Variants in RBFOX1 observed in about 807,000 individuals in gnomAD.
RBFOX1 encodes RNA binding protein fox-1 homolog 1.
A neutral mutation model predicts 57.7 loss-of-function variants in RBFOX1; 8 were observed. The ratio of observed to expected loss-of-function variants is 0.14; its 90% CI spans 0.08 to 0.25. RBFOX1 has a LOEUF of 0.25. RBFOX1 is among the 10% of genes least tolerant of loss of function. The probability of loss-of-function intolerance (pLI) is 1.00; values close to 1 mark genes in which losing one functional copy is unlikely to be tolerated. For missense variants in RBFOX1, 611 were observed against 548.5 expected (o/e 1.11, Z -1.14); for synonymous variants, 326 against 222.4 (o/e 1.47, Z -4.15).
At chr16:7,297,346 A>G (rs1300745365) in intron 4 of RBFOX1, among the ~76,000 whole-genome samples, 2 of 152,192 alleles carry the variant, frequency 1.3e-5, no homozygotes, top group Non-Finnish European at 2.9e-5. Context: ...CTCCAGAAAC[A>G]TATGCAGGTT....
intron 3 of RBFOX1, among the ~76,000 whole-genome samples, chr16:6,984,358 A>G (rs2089732888): frequency 1.3e-5 from 2 of 152,154 alleles, no homozygotes; most frequent in Non-Finnish European, 2.9e-5. Context: ...CACCTGGGAT[A>G]TGCATGAAAA....
At chr16:6,881,048 G>T (rs1051019926) in intron 3 of RBFOX1, among the ~76,000 whole-genome samples, 1 of 152,190 alleles carries the variant, frequency 6.6e-6, no homozygotes, top group African/African-American at 2.4e-5. Context: ...TCCTATGCCT[G>T]TGGCAGACAT....
At position 5,989,218 on chromosome 16, in the gene RBFOX1, C is replaced by T. The variant is rs564117259; in HGVS notation, c.351+121883C>T. On this transcript the variant is annotated intron_variant, in intron 4 of 19. Coordinates refer to the RBFOX1 transcript ENST00000641259. Reference sequence around the variant, plus strand: ...TGGTGGCAGGAGCCTGTAGTCCCAGCTGCTCGGGAGGCTGAGGCAGGAGAA... The same window carrying T: ...TGGTGGCAGGAGCCTGTAGTCCCAGTTGCTCGGGAGGCTGAGGCAGGAGAA... 1.1e-4 allele frequency among the ~76,000 whole-genome samples: 17 copies of T among 151,598 alleles called. No homozygotes were observed. In the South Asian group the frequency reaches 3.1e-3, roughly 28 times the overall value.
chr16:7,556,213 A>G (rs1467575022), intron 5 of RBFOX1, among the ~76,000 whole-genome samples: 1 of 152,156 alleles, frequency 6.6e-6, no homozygotes, highest in African/African-American at 2.4e-5. Flanking sequence ...GTTTTGCACA[A>G]CATGACGCAG....
At chr16:6,150,827 G>A (rs1223341022) in intron 1 of RBFOX1, among the ~76,000 whole-genome samples, 1 of 152,168 alleles carries the variant, frequency 6.6e-6, no homozygotes, top group East Asian at 1.9e-4. Context: ...GAATGAATGA[G>A]CCAGTTTTCC....
intron 4 of RBFOX1, among the ~76,000 whole-genome samples, chr16:5,988,698 C>T (rs187287852): frequency 1.2e-4 from 18 of 152,304 alleles, no homozygotes; most frequent in Non-Finnish European, 1.9e-4. Context: ...GGGGTTGCAT[C>T]CCAGGAAGTG....
intron 1 of RBFOX1, among the ~76,000 whole-genome samples, chr16:5,269,413 G>T (rs1163723329): frequency 6.6e-6 from 1 of 152,236 alleles, no homozygotes; most frequent in Non-Finnish European, 1.5e-5. Flanking sequence ...ACAAAAACTT[G>T]TACATGAATA....
At chr16:6,267,670 T>A (rs2074691567) in intron 1 of RBFOX1, among the ~76,000 whole-genome samples, 1 of 152,166 alleles carries the variant, frequency 6.6e-6, no homozygotes, top group African/African-American at 2.4e-5. Flanking sequence ...CTAGGAGAGA[T>A]CTACTCCTAA....
At chr16:6,982,993 T>TA (rs370173635) in intron 3 of RBFOX1, among the ~76,000 whole-genome samples, 10,278 of 78,752 alleles carry the variant, frequency 0.13, 1,442 homozygotes, top group African/African-American at 0.32. Context: ...AGACTCTGTC[T>TA]AAAAAAAAAA....
intron 2 of RBFOX1, among the ~76,000 whole-genome samples, chr16:6,322,004 T>C (rs2152788554): frequency 1.3e-5 from 2 of 152,302 alleles, no homozygotes; most frequent in Admixed American, 1.3e-4. Flanking sequence ...GTCTCACTCA[T>C]TGACCCATGG....
At chr16:7,050,155 T>C (rs1249340493) in intron 3 of RBFOX1, among the ~76,000 whole-genome samples, 2 of 71,812 alleles carry the variant, frequency 2.8e-5, no homozygotes, top group Non-Finnish European at 4.4e-5. Flanking sequence ...CAATGTGGGC[T>C]TTTTTTTTTT....
intron 3 of RBFOX1, among the ~76,000 whole-genome samples, chr16:6,802,202 G>A (rs1365026252): frequency 1.3e-5 from 2 of 152,044 alleles, no homozygotes; most frequent in Admixed American, 6.6e-5. Flanking sequence ...CTTTGTAGAT[G>A]GGCTCTGGCT....
At chr16:6,370,816 T>C (rs1187240664) in intron 2 of RBFOX1, among the ~76,000 whole-genome samples, 1 of 152,234 alleles carries the variant, frequency 6.6e-6, no homozygotes, top group Non-Finnish European at 1.5e-5. Context: ...TACTTTAAAA[T>C]AATTAAATTG....
At chr16:7,456,960 G>A (rs1375172936) in intron 4 of RBFOX1, among the ~76,000 whole-genome samples, 5 of 151,818 alleles carry the variant, frequency 3.3e-5, no homozygotes, top group Admixed American at 6.6e-5. Context: ...GCGCGATCCC[G>A]GCTCACTGCA....
At chr16:6,017,400 A>C (rs1248475186), upstream of RBFOX1, among the ~76,000 whole-genome samples, 4 of 152,188 alleles carry the variant, frequency 2.6e-5, no homozygotes, top group Non-Finnish European at 4.4e-5. Context: ...CTAGACAATT[A>C]CATTTAAATT....
chr16:7,452,390 C>T (rs548417982), intron 4 of RBFOX1, among the ~76,000 whole-genome samples: 44 of 152,230 alleles, frequency 2.9e-4, no homozygotes, highest in African/African-American at 9.9e-4. Flanking sequence ...CCTGGTGCAT[C>T]CCCCACCTGC....
At chr16:7,299,741 T>C (rs1165550168) in intron 4 of RBFOX1, among the ~76,000 whole-genome samples, 1 of 152,202 alleles carries the variant, frequency 6.6e-6, no homozygotes, top group East Asian at 1.9e-4. Context: ...GCCAGCTTAA[T>C]GTATACATTA....
chr16:5,669,807 G>T (rs1226933446), intron 3 of RBFOX1, among the ~76,000 whole-genome samples: 1 of 152,146 alleles, frequency 6.6e-6, no homozygotes, highest in Non-Finnish European at 1.5e-5. Flanking sequence ...AGAAGTGGAA[G>T]AATTTAAACA....
At chr16:6,281,180 A>G (rs1292031492) in intron 1 of RBFOX1, among the ~76,000 whole-genome samples, 2 of 151,984 alleles carry the variant, frequency 1.3e-5, no homozygotes, top group Non-Finnish European at 2.9e-5. Flanking sequence ...ATATAAATTG[A>G]TACTGTGCAG....
Sources: gnomAD v4.1 joint callset for allele counts (sites outside exome capture counted in the v4.1 genomes callset) on GRCh38, gnomAD v4.1.1 for gene constraint, MANE v1.5 for transcripts, NCBI Gene and HGNC (gene_info 2026-07-23, HGNC 2026-07-21) for gene names.